Variants in APOBEC3D observed in about 807,000 individuals in gnomAD.
The protein encoded by APOBEC3D is DNA dC->dU-editing enzyme APOBEC-3D.
APOBEC3D carries 37 observed loss-of-function variants against 45.6 expected under a neutral mutation model. The ratio of observed to expected loss-of-function variants is 0.81; its 90% CI spans 0.62 to 1.07. APOBEC3D has a LOEUF of 1.07. Ranked by LOEUF, APOBEC3D falls within the 50% of genes least tolerant of loss-of-function variation. APOBEC3D has a pLI of 0.00. For synonymous variants in APOBEC3D, 175 were observed against 180.7 expected, an observed-to-expected ratio of 0.97 and a Z score of 0.25; for missense variants, 496 against 495.3, an observed-to-expected ratio of 1.00 and a Z score of -0.01.
Position 39,032,662 on chromosome 22 carries a change from C to T in APOBEC3D, c.*346C>T. 1 of 953,534 alleles carries T rather than the reference C, an allele frequency of 1.0e-6. No individual in the cohort carries two copies. Among genetic ancestry groups the T allele is most frequent in the Non-Finnish European group, 1.3e-6 (1 of 793,528 alleles). 59.1% of individuals were successfully genotyped at this position (953,534 alleles called of 1,614,324 possible). ...AGACTAGAGTGCAATGGCTGGATCT[C>T]AGCTCACTGCAAACTCTGCTTACTG... On this transcript the variant is annotated 3_prime_UTR_variant, in exon 7 of 7. Transcript: ENST00000216099.
At chr22:39,026,047 A>G (rs1368248006) in intron 4 of APOBEC3D, among the ~76,000 whole-genome samples, 4 of 152,246 alleles carry the variant, frequency 2.6e-5, no homozygotes, top group Non-Finnish European at 5.9e-5. Context: ...AGCTTTGAGC[A>G]ACATCCTTCA....
intron 6 of APOBEC3D, 41 bp downstream of exon 6, chr22:39,032,014 C>T: frequency 1.2e-6 from 2 of 1,610,412 alleles, no homozygotes; most frequent in Non-Finnish European, 1.7e-6. Flanking sequence ...GCGGGAGGGA[C>T]AGCATGAGGG....
In APOBEC3D at chr22:39,025,221, C is replaced by G. The variant is rs541224093; in HGVS notation, c.362C>G (p.Ala121Gly). The G allele has an allele frequency of 6.2e-7, 1 of 1,614,130 alleles. No individual in the cohort carries two copies. The highest frequency in any genetic ancestry group is 8.5e-7 in the Non-Finnish European group (1 of 1,180,010). ...PCVVKVTKFL[A>G]EHPNVTLTIS... ...GTGGTGAAGGTGACCAAATTCTTGG[C>G]TGAGCACCCCAATGTCACCCTGACC... The change falls in exon 3 of 7, where the codon GCT (alanine) becomes GGT (glycine). Residue 121 changes from alanine to glycine, a missense_variant. Physicochemically the swap from Ala to Gly is moderately conservative, Grantham distance 60 (BLOSUM62 0). Transcript: ENST00000216099.
intron 5 of APOBEC3D, among the ~76,000 whole-genome samples, chr22:39,029,746 C>T (rs1438433848): frequency 1.3e-5 from 2 of 151,836 alleles, no homozygotes; most frequent in Non-Finnish European, 2.9e-5. Context: ...TACAGGTGCC[C>T]GCCACCACAC....
Position 39,023,740 on chromosome 22 carries a change from C to T in APOBEC3D, c.210+726C>T, listed in dbSNP as rs187498349. 5.5e-4 allele frequency among the ~76,000 whole-genome samples: 84 copies of T among 152,226 alleles called. 1 individual carries two copies. The highest frequency in any genetic ancestry group is 1.9e-3 in the African/African-American group (77 of 41,524). ...CTGGGAATACAGGTGTGAGCCACTG[C>T]GCCTGGCCTCCACTTCCCACATTTC... On this transcript the variant is annotated intron_variant, in intron 2 of 6. Transcript: ENST00000216099.
chr22:39,022,228 TGGCCTGGAAAGG>T (rs1388203602), intron 1 of APOBEC3D, among the ~76,000 whole-genome samples: 1 of 152,236 alleles, frequency 6.6e-6, no homozygotes, highest in Non-Finnish European at 1.5e-5. Flanking sequence ...TGCACAGGGC[TGGCCTGGAAAGG>T]GGCCCCTGCT....
Position 39,031,843 on chromosome 22 carries a change from G to C in APOBEC3D, c.912G>C (p.Leu304=). The C allele has an allele frequency of 6.2e-7, 1 of 1,614,186 alleles. No homozygotes were observed. The highest frequency in any genetic ancestry group is 8.5e-7 in the Non-Finnish European group (1 of 1,180,030). Residue 304 remains leucine (L), a synonymous_variant, in exon 6 of 7, where the codon CTG becomes CTC. Transcript: ENST00000216099. ...PECAGEVAEF[L]ARHSNVNLTI... ...GTGCAGGGGAGGTGGCCGAGTTCCTGGCCAGGCACAGCAACGTGAATCTCA... is the reference window on the plus strand; with the variant it reads ...GTGCAGGGGAGGTGGCCGAGTTCCTCGCCAGGCACAGCAACGTGAATCTCA...
chr22:39,030,803 C>T (rs1322140727), intron 5 of APOBEC3D, among the ~76,000 whole-genome samples: 1 of 152,044 alleles, frequency 6.6e-6, no homozygotes, highest in African/African-American at 2.4e-5. Context: ...GGAAAGGATG[C>T]CAGAATTCGC....
intron 6 of APOBEC3D, 22 bp downstream of exon 6, chr22:39,031,995 A>T (rs370362798): frequency 6.2e-7 from 1 of 1,613,410 alleles, no homozygotes; most frequent in African/African-American, 1.3e-5. Flanking sequence ...GGGGCTGAGG[A>T]GAGTGGGTGC....
At chr22:39,024,337 C>T (rs1214946386) in intron 2 of APOBEC3D, among the ~76,000 whole-genome samples, 2 of 152,172 alleles carry the variant, frequency 1.3e-5, no homozygotes, top group Non-Finnish European at 2.9e-5. Context: ...CAGTGGGGAA[C>T]AAGGCGGACC....
At chr22:39,029,261 G>A (rs756881964) in intron 4 of APOBEC3D, 102 bp from the exon 5 acceptor site, 94 of 1,318,170 alleles carry the variant, frequency 7.1e-5, no homozygotes, top group Non-Finnish European at 9.8e-5. Flanking sequence ...GGCTGTGGAG[G>A]GATGGGAGAG....
In APOBEC3D at chr22:39,029,944, C is replaced by G. The variant is rs1926047682; in HGVS notation, c.762+425C>G. On this transcript the variant is annotated intron_variant, in intron 5 of 6. Transcript: ENST00000216099. The stretch of plus-strand genomic sequence containing the variant: ...CATTTTTTAAGTCGGTGGCCCAGAT[C>G]TTCCTCCCTAACTTTCCTGGGATCA... Among the ~76,000 whole-genome samples, 4 of 152,090 alleles carry G rather than the reference C, an allele frequency of 2.6e-5. No homozygotes were observed. In the South Asian group the frequency reaches 8.3e-4, roughly 32 times the overall value.
chr22:39,028,354 G>T (rs554961588), intron 4 of APOBEC3D, among the ~76,000 whole-genome samples: 1 of 152,232 alleles, frequency 6.6e-6, no homozygotes, highest in East Asian at 1.9e-4. Context: ...GGCTGGCCTC[G>T]AAAGGGGCCC....
In APOBEC3D at chr22:39,032,519, T is replaced by G. The variant is rs867781294; in HGVS notation, c.*203T>G. ...TTCTTGTAGAGGCTCTCCATCCACC[T>G]CCCCAGTCCTGTTCCCCCAGCCTGG... On this transcript the variant is annotated 3_prime_UTR_variant, in exon 7 of 7. Transcript: ENST00000216099. The G allele has an allele frequency of 3.1e-6, 4 of 1,273,610 alleles. No homozygotes were observed. The highest frequency in any genetic ancestry group is 3.1e-4 in the Middle Eastern group (1 of 3,228). The allele number at this position is 1,273,610 out of a possible 1,614,324, so 78.9% of individuals were successfully genotyped here.
chr22:39,028,216 C>A (rs1421086987), intron 4 of APOBEC3D, among the ~76,000 whole-genome samples: 1 of 152,328 alleles, frequency 6.6e-6, no homozygotes. Flanking sequence ...TTTAGAATGA[C>A]ACCTGCAACA....
chr22:39,032,225 T>G lies in APOBEC3D; in HGVS notation c.1070T>G (p.Val357Gly). Residue 357 changes from valine to glycine, a missense_variant, in exon 7 of 7, where the codon GTG (valine) becomes GGG (glycine). Val to Gly is a moderately radical substitution (Grantham distance 109). Transcript: ENST00000216099. ...KDFVSCWKNFVYSDDEPFKPW... is the reference protein window; with the variant it reads ...KDFVSCWKNFGYSDDEPFKPW... ...TTTGTATCTTGTTGGAAAAACTTTG[T>G]GTACAGTGATGATGAGCCATTCAAG... 2 of 1,613,954 alleles carry G rather than the reference T, an allele frequency of 1.2e-6. No homozygotes were observed. The highest frequency in any genetic ancestry group is 8.5e-7 in the Non-Finnish European group (1 of 1,179,952).
At chr22:39,023,478 A>G (rs5757425) in intron 2 of APOBEC3D, among the ~76,000 whole-genome samples, 111,040 of 142,464 alleles carry the variant, frequency 0.78, 42,739 homozygotes, top group East Asian at 0.89. Flanking sequence ...ACAGAGTTTT[A>G]CTCTTGTTGC....
intron 4 of APOBEC3D, among the ~76,000 whole-genome samples, chr22:39,027,938 G>A (rs1328289244): frequency 6.6e-6 from 1 of 152,238 alleles, no homozygotes; most frequent in Non-Finnish European, 1.5e-5. Flanking sequence ...CTCCCTCTGT[G>A]TGCTTCCCGC....
chr22:39,028,325 C>T (rs1034985031), intron 4 of APOBEC3D, among the ~76,000 whole-genome samples: 2 of 152,364 alleles, frequency 1.3e-5, no homozygotes, highest in Middle Eastern at 3.4e-3. Context: ...GCAGGGCCTG[C>T]GATGCAGAGG....
Sources: allele counts gnomAD v4.1 joint callset (sites outside exome capture counted in the v4.1 genomes callset), GRCh38; gene constraint gnomAD v4.1.1; transcripts MANE v1.5; gene names NCBI Gene and HGNC (gene_info 2026-07-23, HGNC 2026-07-21).